Variants in PLXNA4 observed in about 807,000 individuals in gnomAD.
PLXNA4 encodes plexin A4.
Under a neutral mutation model 191.8 loss-of-function variants are expected in PLXNA4, and 44 were observed. That is an observed-to-expected ratio of 0.23 (90% CI 0.18 to 0.29). PLXNA4 has a LOEUF of 0.29. Among genes scored for constraint, PLXNA4 ranks in the 10% least tolerant of loss-of-function variants. The pLI, the probability that PLXNA4 is intolerant of heterozygous loss-of-function variation, is 1.00. For synonymous variants in PLXNA4, 1,082 were observed against 1,009.5 expected (o/e 1.07, Z -1.36); for missense variants, 1,800 against 2,488.8 (o/e 0.72, Z 5.89).
chr7:132,521,011 GT>G (rs1799155103), intron 1 of PLXNA4, among the ~76,000 whole-genome samples: 1 of 152,050 alleles, frequency 6.6e-6, no homozygotes. Flanking sequence ...AAATCAGGAA[GT>G]GAACAGTTGT....
At chr7:132,147,813 A>G in intron 27 of PLXNA4, 87 bp downstream of exon 27, 1 of 1,569,564 alleles carries the variant, frequency 6.4e-7, no homozygotes, top group Non-Finnish European at 8.7e-7. Flanking sequence ...CCTCTCCAAG[A>G]GTCTCCTGCC....
At chr7:132,159,438 C>T in intron 25 of PLXNA4, 35 bp downstream of exon 25, 2 of 1,610,194 alleles carry the variant, frequency 1.2e-6, no homozygotes, top group East Asian at 2.2e-5. Flanking sequence ...CAGGAGCAGC[C>T]ACAAGGACAG....
intron 3 of PLXNA4, among the ~76,000 whole-genome samples, chr7:132,373,484 T>A (rs894640837): frequency 3.9e-5 from 6 of 152,340 alleles, no homozygotes; most frequent in Admixed American, 6.5e-5. Flanking sequence ...ATTTTGTGTG[T>A]CTGGCCATCA....
chr7:132,499,998 GTC>G (rs1798182325), intron 2 of PLXNA4, among the ~76,000 whole-genome samples: 2 of 152,138 alleles, frequency 1.3e-5, no homozygotes, highest in African/African-American at 4.8e-5. Flanking sequence ...TCTCTCAGTT[GTC>G]TCTTTCTCCT....
At chr7:132,365,368 C>CGCGT (rs1804132355) in intron 3 of PLXNA4, among the ~76,000 whole-genome samples, 3 of 130,904 alleles carry the variant, frequency 2.3e-5, no homozygotes, top group South Asian at 2.5e-4. Context: ...TGTGCGTGCG[C>CGCGT]GCGCATGCAT....
chr7:132,238,922 C>T (rs1022258588), intron 5 of PLXNA4, among the ~76,000 whole-genome samples: 7 of 152,184 alleles, frequency 4.6e-5, no homozygotes, highest in African/African-American at 1.7e-4. Context: ...GTCATTGGTC[C>T]TCATACCATC....
intron 2 of PLXNA4, among the ~76,000 whole-genome samples, chr7:132,591,726 G>T (rs1434856084): frequency 6.6e-6 from 1 of 152,148 alleles, no homozygotes; most frequent in Non-Finnish European, 1.5e-5. Flanking sequence ...CCTCAGCAAA[G>T]GCTGTCTCCA....
intron 3 of PLXNA4, among the ~76,000 whole-genome samples, chr7:132,453,335 A>G (rs1190690127): frequency 2.6e-5 from 4 of 152,222 alleles, no homozygotes; most frequent in East Asian, 1.9e-4. Context: ...TGGTTCTCCA[A>G]TTATGACCCT....
chr7:132,263,352 C>A (rs919908047), intron 4 of PLXNA4, among the ~76,000 whole-genome samples: 2 of 152,228 alleles, frequency 1.3e-5, no homozygotes, highest in African/African-American at 4.8e-5. Flanking sequence ...CAGGCATCTG[C>A]AGCACTTCGA....
chr7:132,599,388 C>G (rs1802775304), intron 2 of PLXNA4, among the ~76,000 whole-genome samples: 1 of 152,208 alleles, frequency 6.6e-6, no homozygotes, highest in Non-Finnish European at 1.5e-5. Context: ...TCCATTTACT[C>G]AGATCAACTT....
intron 15 of PLXNA4, 44 bp downstream of exon 15, chr7:132,187,427 A>G (rs1398441281): frequency 6.3e-7 from 1 of 1,593,564 alleles, no homozygotes; most frequent in East Asian, 2.3e-5. Context: ...TACCTGTCTA[A>G]CCTTTCCCTC....
At chr7:132,532,100 G>C (rs1799639814) in intron 1 of PLXNA4, among the ~76,000 whole-genome samples, 1 of 152,160 alleles carries the variant, frequency 6.6e-6, no homozygotes, top group African/African-American at 2.4e-5. Context: ...TGTCAACTTG[G>C]CACAACCTCC....
At chr7:132,332,964 C>T (rs1346535696) in intron 3 of PLXNA4, among the ~76,000 whole-genome samples, 1 of 151,948 alleles carries the variant, frequency 6.6e-6, no homozygotes, top group Non-Finnish European at 1.5e-5. Flanking sequence ...TCCCTTCTTT[C>T]TCACTCTCTC....
At chr7:132,465,296 G>A (rs569371672) in intron 3 of PLXNA4, among the ~76,000 whole-genome samples, 1 of 152,232 alleles carries the variant, frequency 6.6e-6, no homozygotes, top group Non-Finnish European at 1.5e-5. Flanking sequence ...AAAACTGAGA[G>A]GGAAGCTCTG....
intron 3 of PLXNA4, among the ~76,000 whole-genome samples, chr7:132,434,712 C>G (rs1405372093): frequency 6.6e-6 from 1 of 152,224 alleles, no homozygotes; most frequent in Non-Finnish European, 1.5e-5. Flanking sequence ...CCAAGGCACA[C>G]AGACCATGAA....
At chr7:132,590,659 G>T (rs954490507) in intron 2 of PLXNA4, among the ~76,000 whole-genome samples, 2 of 152,250 alleles carry the variant, frequency 1.3e-5, no homozygotes, top group African/African-American at 2.4e-5. Flanking sequence ...TTTATATTCT[G>T]GCTGTGCTGG....
chr7:132,151,093 A>T (rs1795582846), intron 25 of PLXNA4, among the ~76,000 whole-genome samples: 1 of 152,166 alleles, frequency 6.6e-6, no homozygotes, highest in East Asian at 1.9e-4. Context: ...TTGCTTTTAG[A>T]TCTCTCAAGC....
chr7:132,574,542 C>CATGTGT lies in PLXNA4; in HGVS notation c.-87+1874_-87+1879dup, dbSNP rs1478971225. Among the ~76,000 whole-genome samples the CATGTGT allele has an allele frequency of 2.6e-5, 4 of 152,346 alleles. No homozygotes were observed. In the East Asian group the frequency reaches 7.7e-4, roughly 29 times the overall value. ...CACATTTAGCCAGACTCTGAGAACG[C>CATGTGT]ATGTGTGTATATATATTGGGTGTGT... On this transcript the variant is annotated intron_variant, in intron 1 of 31. Transcript: ENST00000321063.
intron 25 of PLXNA4, among the ~76,000 whole-genome samples, chr7:132,156,122 C>G (rs201752941): frequency 2.4e-5 from 3 of 125,242 alleles, no homozygotes; most frequent in Non-Finnish European, 5.2e-5. Flanking sequence ...CTCTCTCTCT[C>G]TGTTTCTGGA....
Sources: gnomAD v4.1 joint callset for allele counts (sites outside exome capture counted in the v4.1 genomes callset) on GRCh38, gnomAD v4.1.1 for gene constraint, MANE v1.5 for transcripts, NCBI Gene and HGNC (gene_info 2026-07-23, HGNC 2026-07-21) for gene names.